The following ENOX1 variants were observed in gnomAD, a reference collection of about 807,000 sequenced individuals.
ENOX1 encodes the protein candidate growth-related and time keeping constitutive hydroquinone (NADH) oxidase.
ENOX1 carries 42 observed loss-of-function variants against 82.5 expected under a neutral mutation model. The ratio of observed to expected loss-of-function variants is 0.51; its 90% CI spans 0.40 to 0.66. ENOX1 has a LOEUF of 0.66. ENOX1 is among the 30% of genes least tolerant of loss of function. The pLI, the probability that ENOX1 is intolerant of heterozygous loss-of-function variation, is 0.00. For synonymous variants in ENOX1, 271 were observed against 282.2 expected, an observed-to-expected ratio of 0.96 and a Z score of 0.40; for missense variants, 608 against 811.6, an observed-to-expected ratio of 0.75 and a Z score of 3.05.
chr13:43,506,211 T>C (rs1026634802), intron 2 of ENOX1, among the ~76,000 whole-genome samples: 2 of 151,806 alleles, frequency 1.3e-5, no homozygotes, highest in Admixed American at 1.3e-4. Flanking sequence ...GTTCTTCTTA[T>C]GCAGCCAAAA....
chr13:43,712,424 T>A (rs1251698006), intron 1 of ENOX1, among the ~76,000 whole-genome samples: 2 of 152,274 alleles, frequency 1.3e-5, no homozygotes, highest in East Asian at 3.9e-4. Flanking sequence ...TGGTTCCATA[T>A]GAACTTTAGT....
At chr13:43,469,067 T>G (rs1048107809) in intron 3 of ENOX1, among the ~76,000 whole-genome samples, 2 of 152,144 alleles carry the variant, frequency 1.3e-5, no homozygotes, top group African/African-American at 4.8e-5. Context: ...GGTGGAAAAC[T>G]TTCAGTCTTT....
chr13:43,586,971 G>C (rs2081024098), intron 2 of ENOX1, among the ~76,000 whole-genome samples: 1 of 151,846 alleles, frequency 6.6e-6, no homozygotes, highest in South Asian at 2.1e-4. Flanking sequence ...CTACTCAGGA[G>C]GCTGAGGCAG....
intron 2 of ENOX1, among the ~76,000 whole-genome samples, chr13:43,567,287 T>C (rs2079962784): frequency 1.3e-5 from 2 of 152,158 alleles, no homozygotes; most frequent in South Asian, 4.1e-4. Context: ...ATACATGTGT[T>C]AGTGCAAATC....
chr13:43,600,407 A>G (rs1274248971), intron 2 of ENOX1, among the ~76,000 whole-genome samples: 1 of 152,214 alleles, frequency 6.6e-6, no homozygotes, highest in African/African-American at 2.4e-5. Context: ...TACTCACTGC[A>G]GACTTGGGGC....
intron 1 of ENOX1, among the ~76,000 whole-genome samples, chr13:43,738,200 G>A (rs2089724306): frequency 6.6e-6 from 1 of 152,072 alleles, no homozygotes; most frequent in Non-Finnish European, 1.5e-5. Context: ...CATAGTACAT[G>A]ATACCACCTA....
At chr13:43,298,612 C>A in intron 11 of ENOX1, 82 bp from the exon 12 acceptor site, 3 of 1,313,526 alleles carry the variant, frequency 2.3e-6, no homozygotes, top group East Asian at 2.4e-5. Flanking sequence ...GGGAGTCTGT[C>A]ACCCAAGTTC....
At chr13:43,639,902 G>A (rs2083565215) in intron 2 of ENOX1, among the ~76,000 whole-genome samples, 1 of 152,078 alleles carries the variant, frequency 6.6e-6, no homozygotes, top group South Asian at 2.1e-4. Context: ...GGTGGTGTGT[G>A]CCTGTAGTCC....
chr13:43,426,403 C>A (rs1020993471), intron 3 of ENOX1, among the ~76,000 whole-genome samples: 1 of 152,088 alleles, frequency 6.6e-6, no homozygotes, highest in Admixed American at 6.6e-5. Flanking sequence ...GCTATTGCTA[C>A]GATGGTTTAC....
intron 9 of ENOX1, among the ~76,000 whole-genome samples, chr13:43,340,990 C>T (rs559231218): frequency 1.3e-5 from 2 of 152,250 alleles, no homozygotes; most frequent in East Asian, 3.9e-4. Context: ...ATAAGTGTTA[C>T]AAAGGACCTT....
At chr13:43,710,469 G>A (rs958146954) in intron 1 of ENOX1, among the ~76,000 whole-genome samples, 2 of 152,068 alleles carry the variant, frequency 1.3e-5, no homozygotes, top group Non-Finnish European at 2.9e-5. Flanking sequence ...ATAAGGTAAA[G>A]GTTATATAGC....
At chr13:43,747,500 C>G (rs539796459) in intron 1 of ENOX1, among the ~76,000 whole-genome samples, 1 of 152,310 alleles carries the variant, frequency 6.6e-6, no homozygotes, top group East Asian at 1.9e-4. Context: ...GACCTGTTGC[C>G]TTCTCTCTTT....
At chr13:43,597,804 T>C (rs1028347888) in intron 2 of ENOX1, among the ~76,000 whole-genome samples, 1 of 152,176 alleles carries the variant, frequency 6.6e-6, no homozygotes, top group Non-Finnish European at 1.5e-5. Flanking sequence ...CACTGCTCAC[T>C]TTCTTGCTCA....
chr13:43,575,023 T>C (rs901048218), intron 2 of ENOX1, among the ~76,000 whole-genome samples: 8 of 152,320 alleles, frequency 5.3e-5, no homozygotes, highest in Admixed American at 2.6e-4. Context: ...TAGGAGCTTA[T>C]TGCTTTAAAA....
chr13:43,599,008 G>A (rs564539280), intron 2 of ENOX1, among the ~76,000 whole-genome samples: 7 of 152,270 alleles, frequency 4.6e-5, no homozygotes, highest in African/African-American at 1.2e-4. Context: ...TAGAATGTTC[G>A]TGAGCTTGGT....
intron 2 of ENOX1, among the ~76,000 whole-genome samples, chr13:43,490,118 T>G (rs1020857065): frequency 2.6e-5 from 4 of 152,144 alleles, no homozygotes; most frequent in African/African-American, 9.7e-5. Context: ...TTTTTTCTAT[T>G]TTTGGTAGAG....
chr13:43,342,974 C>G (rs780184850), intron 9 of ENOX1, among the ~76,000 whole-genome samples: 11 of 152,196 alleles, frequency 7.2e-5, no homozygotes, highest in Non-Finnish European at 1.6e-4. Context: ...CTATTCATGG[C>G]TGCCCTCTTA....
chr13:43,520,191 G>T (rs956604629), intron 2 of ENOX1, among the ~76,000 whole-genome samples: 3 of 152,058 alleles, frequency 2.0e-5, no homozygotes, highest in Non-Finnish European at 4.4e-5. Flanking sequence ...ATAGCTTGTT[G>T]ATCTAGATTC....
At chr13:43,361,073 A>T (rs2050470907) in intron 6 of ENOX1, among the ~76,000 whole-genome samples, 1 of 152,218 alleles carries the variant, frequency 6.6e-6, no homozygotes, top group South Asian at 2.1e-4. Flanking sequence ...TACTGGCTTT[A>T]TAGTGTGGAT....
Sources: allele counts gnomAD v4.1 joint callset (sites outside exome capture counted in the v4.1 genomes callset), GRCh38; gene constraint gnomAD v4.1.1; transcripts MANE v1.5; gene names NCBI Gene and HGNC (gene_info 2026-07-23, HGNC 2026-07-21).